The following FAM120B variants were observed in gnomAD, a reference collection of about 807,000 sequenced individuals.
FAM120B encodes the protein constitutive coactivator of peroxisome proliferator-activated receptor gamma.
FAM120B carries 83 observed loss-of-function variants against 96.3 expected under a neutral mutation model. The observed-to-expected ratio is 0.86, with a 90% CI of 0.72 to 1.03. FAM120B has a LOEUF of 1.03. Among genes scored for constraint, FAM120B ranks in the 50% least tolerant of loss-of-function variants. The pLI is 0.00. For synonymous variants in FAM120B, 407 were observed against 402.7 expected (o/e 1.01, Z -0.13); for missense variants, 1,027 against 1,121.2 (o/e 0.92, Z 1.20).
intron 6 of FAM120B, among the ~76,000 whole-genome samples, chr6:170,382,266 T>G (rs1454303165): frequency 6.6e-6 from 1 of 151,922 alleles, no homozygotes; most frequent in Non-Finnish European, 1.5e-5. Flanking sequence ...TACAAAAAAT[T>G]GAAAAATTAG....
rs778778913 is a variant in FAM120B at position 170,330,544 on chromosome 6, A to G, written c.2011A>G (p.Ile671Val). The G allele has an allele frequency of 1.2e-5, 20 of 1,613,166 alleles. No individual in the cohort carries two copies. Among genetic ancestry groups the G allele is most frequent in the Non-Finnish European group, 1.0e-5 (12 of 1,179,108 alleles). ...PDLVRPLQMT[I>V]PGGTPSLKIL... ...CCTCGTCAGGCCGCTGCAGATGACC[A>G]TTCCAGGTACAGGCAGCCTTTCTTT... The change falls in exon 4 of 11, where the codon ATT (isoleucine) becomes GTT (valine). Residue 671 changes from isoleucine to valine, a missense_variant. Ile to Val is a conservative substitution (Grantham distance 29). Around this residue, in one of 3 missense-constraint regions of FAM120B, gnomAD observed 880 missense variants for 980.9 expected, o/e 0.90. Transcript: ENST00000476287.
At chr6:170,340,847 C>T (rs189927449) in intron 4 of FAM120B, among the ~76,000 whole-genome samples, 188 of 152,354 alleles carry the variant, frequency 1.2e-3, no homozygotes, top group Non-Finnish European at 1.2e-3. Context: ...CTGCCTGCTC[C>T]TTCCTGTGGA....
intron 9 of FAM120B, among the ~76,000 whole-genome samples, chr6:170,396,068 A>C (rs1778143841): frequency 6.6e-6 from 1 of 152,214 alleles, no homozygotes; most frequent in African/African-American, 2.4e-5. Context: ...GCTGAATTTA[A>C]ATACATCGAG....
intron 4 of FAM120B, among the ~76,000 whole-genome samples, chr6:170,344,325 A>G (rs1787037337): frequency 1.5e-5 from 2 of 132,962 alleles, no homozygotes; most frequent in Admixed American, 1.5e-4. Context: ...GTTCCTGAGT[A>G]GACCCACCTT....
chr6:170,301,250 G>A (rs937477456), intron 1 of FAM120B, among the ~76,000 whole-genome samples: 7 of 152,248 alleles, frequency 4.6e-5, no homozygotes, highest in Admixed American at 4.6e-4. Flanking sequence ...AATCTGCCAA[G>A]GCTTGGCACT....
chr6:170,371,344 G>C (rs1043904175), intron 6 of FAM120B, among the ~76,000 whole-genome samples: 4 of 152,112 alleles, frequency 2.6e-5, no homozygotes, highest in African/African-American at 4.8e-5. Context: ...TTGTTTGTCT[G>C]TCATCAGCTG....
intron 5 of FAM120B, among the ~76,000 whole-genome samples, chr6:170,352,396 A>G (rs1025346934): frequency 6.6e-6 from 1 of 152,206 alleles, no homozygotes; most frequent in African/African-American, 2.4e-5. Context: ...AAAGACATTC[A>G]TGACCTGAAC....
At chr6:170,389,464 G>T (rs1414565761) in intron 7 of FAM120B, among the ~76,000 whole-genome samples, 1 of 152,070 alleles carries the variant, frequency 6.6e-6, no homozygotes, top group African/African-American at 2.4e-5. Context: ...AGGGCGAGCA[G>T]TATCACACCC....
At chr6:170,290,894 C>T, upstream of FAM120B, 1 of 691,526 alleles carries the variant, frequency 1.4e-6, no homozygotes, top group Admixed American at 2.0e-5. The surrounding 1 kb of genome is among the most constrained non-coding windows in gnomAD (Gnocchi z 4.7). Context: ...TGCCCTCGGC[C>T]GGGTCGGGTC....
At chr6:170,367,164 T>G (rs757041004) in intron 6 of FAM120B, among the ~76,000 whole-genome samples, 2 of 152,234 alleles carry the variant, frequency 1.3e-5, no homozygotes, top group African/African-American at 2.4e-5. Context: ...CCATTGAATC[T>G]CCAAATGATA....
chr6:170,357,450 T>C (rs1214856824), intron 5 of FAM120B, among the ~76,000 whole-genome samples: 1 of 152,192 alleles, frequency 6.6e-6, no homozygotes, highest in Non-Finnish European at 1.5e-5. Context: ...TGTCCTTTGC[T>C]GTCTCTTGTT....
chr6:170,365,390 G>A (rs760085469), intron 6 of FAM120B, among the ~76,000 whole-genome samples: 16 of 152,318 alleles, frequency 1.1e-4, no homozygotes, highest in Non-Finnish European at 1.9e-4. Flanking sequence ...TACTAGGGAT[G>A]ACAGCTGTGG....
At chr6:170,338,826 GAC>G (rs1786615656) in intron 4 of FAM120B, among the ~76,000 whole-genome samples, 1 of 145,346 alleles carries the variant, frequency 6.9e-6, no homozygotes, top group African/African-American at 2.5e-5. Context: ...TAGTATTAGA[GAC>G]TAGCATTGCA....
upstream of FAM120B, among the ~76,000 whole-genome samples, chr6:170,302,995 A>C (rs1182771253): frequency 1.3e-5 from 2 of 152,252 alleles, no homozygotes; most frequent in Non-Finnish European, 2.9e-5. Context: ...TTCAAGATTT[A>C]GACAGATTGG....
Position 170,361,226 on chromosome 6 carries a change from A to T in FAM120B, c.2283+2908A>T, listed in dbSNP as rs1342451471. ...TATATATATATATATATATATATAT[A>T]TATATATATACACGTATATATATAT... is the stretch of plus-strand genomic sequence containing the variant. On this transcript the variant is annotated intron_variant, in intron 6 of 10. Transcript: ENST00000476287. 3.1e-5 allele frequency among the ~76,000 whole-genome samples: 4 copies of T among 127,136 alleles called. 1 individual carries two copies. Among genetic ancestry groups the T allele is most frequent in the African/African-American group, 1.1e-4 (4 of 35,090 alleles). The allele number at this position is 127,136 out of a possible 152,430, so 83.4% of individuals were successfully genotyped here. A position where few individuals can be genotyped will look rare whatever the true frequency, so the allele number is the denominator to read the frequency against.
chr6:170,373,318 G>A (rs547523366), intron 6 of FAM120B, among the ~76,000 whole-genome samples: 4 of 152,280 alleles, frequency 2.6e-5, no homozygotes, highest in South Asian at 2.1e-4. Context: ...CAAGCCAAAG[G>A]CCATACCTTT....
At chr6:170,331,488 A>T (rs770984758) in intron 4 of FAM120B, among the ~76,000 whole-genome samples, 5 of 152,198 alleles carry the variant, frequency 3.3e-5, no homozygotes, top group Admixed American at 6.5e-5. Context: ...TTAATCATAC[A>T]CTAAAACCTT....
At position 170,405,654 on chromosome 6, in the gene FAM120B, C is replaced by G. The variant is rs1778778587; in HGVS notation, c.*903C>G. 6.6e-6 allele frequency: 1 copy of G among 152,200 alleles called. No individual in the cohort carries two copies. Among genetic ancestry groups the G allele is most frequent in the Non-Finnish European group, 1.5e-5 (1 of 68,030 alleles). The allele number at this position is 152,200 out of a possible 1,614,324, so 9.4% of individuals were successfully genotyped here. ...AAACATAAGTTTCCAACTATGTGTT[C>G]TCTTGGTCCTCAGAAGTGTTTGAAT... On this transcript the variant is annotated 3_prime_UTR_variant, in exon 11 of 11. Transcript: ENST00000476287.
intron 3 of FAM120B, among the ~76,000 whole-genome samples, chr6:170,329,416 T>G (rs1435296925): frequency 6.6e-6 from 1 of 152,182 alleles, no homozygotes; most frequent in Non-Finnish European, 1.5e-5. Context: ...AGTTCTAGTG[T>G]TGATGGTAGG....
Sources: gnomAD v4.1 joint callset for allele counts (sites outside exome capture counted in the v4.1 genomes callset) on GRCh38, gnomAD v4.1.1 for gene constraint, gnomAD v4.1.1 regional missense constraint, Gnocchi (gnomAD v3.1) non-coding constraint, MANE v1.5 for transcripts, NCBI Gene and HGNC (gene_info 2026-07-23, HGNC 2026-07-21) for gene names.